Variants in TRPM3 observed in about 807,000 individuals in gnomAD.
TRPM3 encodes the protein long transient receptor potential channel 3.
TRPM3 carries 77 observed loss-of-function variants against 181.2 expected under a neutral mutation model. The observed-to-expected ratio is 0.42, with a 90% CI of 0.35 to 0.51. The LOEUF is 0.51. TRPM3 is among the 20% of genes least tolerant of loss of function. TRPM3 has a pLI of 0.01. For synonymous variants in TRPM3, 745 were observed against 796.4 expected, an observed-to-expected ratio of 0.94 and a Z score of 1.09; for missense variants, 1,759 against 2,196.7, an observed-to-expected ratio of 0.80 and a Z score of 3.98.
intron 1 of TRPM3, among the ~76,000 whole-genome samples, chr9:71,256,998 G>A (rs1204525216): frequency 6.6e-6 from 1 of 152,072 alleles, no homozygotes; most frequent in African/African-American, 2.4e-5. Flanking sequence ...ATCTTACAAC[G>A]AAGAACCCTA....
At chr9:70,825,363 ATT>A (rs761747359) in intron 6 of TRPM3, 35 of 152,140 alleles carry the variant, frequency 2.3e-4, no homozygotes, top group Non-Finnish European at 4.1e-4. Context: ...TTATTAATAT[ATT>A]CACTGGAAGA....
At chr9:70,918,353 A>G (rs570542872) in intron 1 of TRPM3, among the ~76,000 whole-genome samples, 2 of 152,200 alleles carry the variant, frequency 1.3e-5, no homozygotes, top group Admixed American at 6.5e-5. Context: ...ATCATTCTCA[A>G]GAATAAACTA....
intron 1 of TRPM3, among the ~76,000 whole-genome samples, chr9:71,299,527 G>T (rs2086590031): frequency 1.3e-5 from 2 of 150,196 alleles, no homozygotes; most frequent in South Asian, 4.2e-4. Flanking sequence ...AAGGAAGGGA[G>T]AAAAAAGAAA....
At chr9:71,035,519 C>T (rs2058072695) in intron 1 of TRPM3, among the ~76,000 whole-genome samples, 1 of 152,170 alleles carries the variant, frequency 6.6e-6, no homozygotes, top group Non-Finnish European at 1.5e-5. Context: ...GAGTTTGAGA[C>T]CTACCTGGCC....
At position 70,529,375 on chromosome 9, in the gene TRPM3, T is replaced by C. The variant is rs910212675; in HGVS notation, c.*6578A>G. On this transcript the variant is annotated 3_prime_UTR_variant, in exon 26 of 26. Transcript: ENST00000677713. The stretch of plus-strand genomic sequence containing the variant: ...TGTAGGAATTCATTTAAAAATGATA[T>C]CTGAATAATTTCCCCCATTATAAAC... 2 of 152,228 alleles carry C rather than the reference T, an allele frequency of 1.3e-5. No individual in the cohort carries two copies. Among genetic ancestry groups the C allele is most frequent in the East Asian group, 1.9e-4 (1 of 5,202 alleles). 9.4% of individuals were successfully genotyped at this position (152,228 alleles called of 1,614,324 possible).
At chr9:71,263,280 G>A (rs975872383) in intron 1 of TRPM3, among the ~76,000 whole-genome samples, 1 of 152,102 alleles carries the variant, frequency 6.6e-6, no homozygotes, top group African/African-American at 2.4e-5. Context: ...TGTCTAAAAT[G>A]TTACTGTGAC....
chr9:71,382,290 C>T (rs2092818484), intron 1 of TRPM3, among the ~76,000 whole-genome samples: 1 of 152,046 alleles, frequency 6.6e-6, no homozygotes, highest in Non-Finnish European at 1.5e-5. Context: ...AGAACAGGAT[C>T]CAGTTTATAG....
At chr9:70,981,704 T>G (rs1304886329) in intron 1 of TRPM3, among the ~76,000 whole-genome samples, 4 of 152,200 alleles carry the variant, frequency 2.6e-5, no homozygotes, top group Non-Finnish European at 4.4e-5. Flanking sequence ...TGGCAGAGTC[T>G]GGCTCGTTGT....
intron 1 of TRPM3, among the ~76,000 whole-genome samples, chr9:70,899,931 A>T (rs2132997994): frequency 6.6e-6 from 1 of 152,352 alleles, no homozygotes; most frequent in Admixed American, 6.5e-5. Flanking sequence ...ATACTATTGC[A>T]GCATTATCAT....
intron 1 of TRPM3, among the ~76,000 whole-genome samples, chr9:71,088,106 C>G (rs2065597667): frequency 6.6e-6 from 1 of 152,026 alleles, no homozygotes. Context: ...GAGCTCTTGT[C>G]AACAATCAGC....
intron 1 of TRPM3, among the ~76,000 whole-genome samples, chr9:71,127,066 A>C (rs1395276329): frequency 4.1e-5 from 4 of 97,008 alleles, no homozygotes; most frequent in African/African-American, 1.2e-4. Flanking sequence ...GTTTTTAGGA[A>C]AAAACAAAAA....
chr9:71,371,887 G>GT (rs1226412376), intron 1 of TRPM3, among the ~76,000 whole-genome samples: 1 of 152,158 alleles, frequency 6.6e-6, no homozygotes, highest in African/African-American at 2.4e-5. Flanking sequence ...GGATGTCCAA[G>GT]TTTGTTACAC....
intron 1 of TRPM3, among the ~76,000 whole-genome samples, chr9:71,277,123 A>AT (rs1379525051): frequency 6.9e-6 from 1 of 144,200 alleles, no homozygotes; most frequent in Non-Finnish European, 1.5e-5. Flanking sequence ...GAATTCCAAA[A>AT]AAGCTTATTT....
intron 1 of TRPM3, among the ~76,000 whole-genome samples, chr9:71,377,094 T>C (rs1253187081): frequency 1.3e-5 from 2 of 152,070 alleles, no homozygotes; most frequent in Non-Finnish European, 2.9e-5. Flanking sequence ...AAATGTAGAA[T>C]AAACGGTAAA....
At chr9:71,245,443 CAAAA>C (rs61043388) in intron 1 of TRPM3, among the ~76,000 whole-genome samples, 7 of 133,670 alleles carry the variant, frequency 5.2e-5, no homozygotes, top group African/African-American at 2.0e-4. Flanking sequence ...GACTCCATTT[CAAAA>C]AAAAAAAAAA....
At chr9:70,595,662 A>C (rs760221756) in intron 21 of TRPM3, among the ~76,000 whole-genome samples, 1 of 152,170 alleles carries the variant, frequency 6.6e-6, no homozygotes. Flanking sequence ...ACACACCCAC[A>C]CATTTTTATA....
intron 1 of TRPM3, among the ~76,000 whole-genome samples, chr9:71,105,965 T>TAA (rs2069442327): frequency 6.6e-6 from 1 of 152,176 alleles, no homozygotes; most frequent in Non-Finnish European, 1.5e-5. Context: ...TGATTTTTTT[T>TAA]AAATATTATT....
At chr9:71,380,401 A>ATATTACCAATTAGAGAGTT in intron 1 of TRPM3, among the ~76,000 whole-genome samples, 1 of 152,200 alleles carries the variant, frequency 6.6e-6, no homozygotes. Context: ...TTAGAGAATG[A>ATATTACCAATTAGAGAGTT]GGAAGCCCAA....
chr9:71,288,564 A>G (rs1438022902), intron 1 of TRPM3, among the ~76,000 whole-genome samples: 1 of 152,136 alleles, frequency 6.6e-6, no homozygotes, highest in East Asian at 1.9e-4. Context: ...CCAACTCAGT[A>G]ACAAGGAAGA....
Sources: allele counts gnomAD v4.1 joint callset (sites outside exome capture counted in the v4.1 genomes callset), GRCh38; gene constraint gnomAD v4.1.1; transcripts MANE v1.5; gene names NCBI Gene and HGNC (gene_info 2026-07-23, HGNC 2026-07-21).